RARB: variants seen among roughly 807,000 people sequenced by gnomAD.
RARB encodes the protein HBV-activated protein.
RARB carries 17 observed loss-of-function variants against 51.9 expected under a neutral mutation model. The ratio of observed to expected loss-of-function variants is 0.33; its 90% CI spans 0.22 to 0.49. The LOEUF (loss-of-function observed/expected upper bound fraction) is 0.49. Ranked by LOEUF, RARB falls within the 20% of genes least tolerant of loss-of-function variation. The pLI, the probability that RARB is intolerant of heterozygous loss-of-function variation, is 0.99. For synonymous variants in RARB, 215 were observed against 195.4 expected, an observed-to-expected ratio of 1.10 and a Z score of -0.84; for missense variants, 369 against 550.8, an observed-to-expected ratio of 0.67 and a Z score of 3.30.
intron 2 of RARB, among the ~76,000 whole-genome samples, chr3:24,920,354 G>A (rs1044400130): frequency 8.5e-5 from 13 of 152,052 alleles, no homozygotes; most frequent in Non-Finnish European, 1.6e-4. Context: ...AGCTCAGAAA[G>A]GAAAATCACA....
intron 3 of RARB, among the ~76,000 whole-genome samples, chr3:25,534,258 A>G (rs1699044906): frequency 6.6e-6 from 1 of 152,236 alleles, no homozygotes; most frequent in African/African-American, 2.4e-5. Context: ...AAATGTGAGT[A>G]ATCATAGTAC....
intron 5 of RARB, among the ~76,000 whole-genome samples, chr3:25,185,103 G>T (rs891495148): frequency 6.6e-5 from 10 of 152,046 alleles, no homozygotes; most frequent in African/African-American, 2.4e-4. Flanking sequence ...TTTACATTAG[G>T]CATATGGAAG....
In RARB at chr3:24,863,635, A is replaced by G. The variant is rs374667750; in HGVS notation, c.-380+4883A>G. On this transcript the variant is annotated intron_variant, in intron 2 of 11. Transcript: ENST00000383772. ...TACGCCTGGCCTGTTCATAAATCCA[A>G]TTTAATTAGAGAACACCACTAATTT... Among the ~76,000 whole-genome samples the G allele has an allele frequency of 2.4e-4, 37 of 152,268 alleles. 1 individual carries two copies. The highest frequency in any genetic ancestry group is 8.4e-4 in the African/African-American group (35 of 41,558).
At chr3:24,925,529 C>G (rs1174414188) in intron 2 of RARB, among the ~76,000 whole-genome samples, 2 of 151,618 alleles carry the variant, frequency 1.3e-5, no homozygotes, top group Admixed American at 1.3e-4. Flanking sequence ...GTGGTCTCAG[C>G]CACTCTAGAC....
At chr3:24,956,923 C>T (rs1401300610) in intron 2 of RARB, among the ~76,000 whole-genome samples, 1 of 152,226 alleles carries the variant, frequency 6.6e-6, no homozygotes, top group East Asian at 1.9e-4. Context: ...ACAGTTGCAA[C>T]AGCCAGTACA....
At chr3:25,201,151 T>G (rs1216358588) in intron 5 of RARB, among the ~76,000 whole-genome samples, 5 of 151,388 alleles carry the variant, frequency 3.3e-5, no homozygotes, top group Non-Finnish European at 7.4e-5. Flanking sequence ...TTCACATCCC[T>G]TGTAAGTTGT....
intron 1 of RARB, among the ~76,000 whole-genome samples, chr3:25,432,266 G>C (rs1166771082): frequency 2.0e-5 from 3 of 152,178 alleles, no homozygotes; most frequent in Non-Finnish European, 4.4e-5. Context: ...AAGGGAGTGA[G>C]TATTGATGTG....
chr3:24,971,617 T>TA (rs1696399670), intron 2 of RARB, among the ~76,000 whole-genome samples: 1 of 152,052 alleles, frequency 6.6e-6, no homozygotes, highest in African/African-American at 2.4e-5. Flanking sequence ...GGTAGCCTTC[T>TA]AAAAAATGGC....
intron 2 of RARB, among the ~76,000 whole-genome samples, chr3:25,022,305 C>A (rs1222138087): frequency 6.6e-6 from 1 of 152,140 alleles, no homozygotes; most frequent in Non-Finnish European, 1.5e-5. Flanking sequence ...ATTAGTTTTT[C>A]CATTTGTATA....
At chr3:25,240,581 T>G (rs2125395735) in intron 5 of RARB, among the ~76,000 whole-genome samples, 1 of 152,326 alleles carries the variant, frequency 6.6e-6, no homozygotes, top group African/African-American at 2.4e-5. Context: ...CTGCATTTAT[T>G]GAGTGATCAT....
At chr3:25,543,675 G>C (rs1286769) in intron 3 of RARB, among the ~76,000 whole-genome samples, 2 of 151,944 alleles carry the variant, frequency 1.3e-5, no homozygotes, top group Non-Finnish European at 2.9e-5. Flanking sequence ...GTTCCTTGGA[G>C]TGATAGATTG....
chr3:25,129,013 T>C (rs934739082), intron 3 of RARB, among the ~76,000 whole-genome samples: 1 of 152,122 alleles, frequency 6.6e-6, no homozygotes, highest in Non-Finnish European at 1.5e-5. Context: ...GAAGTTCCAA[T>C]GTAAGTTCTA....
At chr3:25,509,631 C>T (rs13324091) in intron 3 of RARB, among the ~76,000 whole-genome samples, 5,469 of 152,220 alleles carry the variant, frequency 0.036, 332 homozygotes, top group African/African-American at 0.12. Flanking sequence ...CCAGAGATGC[C>T]GAGACATGTG....
At chr3:24,896,324 A>G (rs1442950080) in intron 2 of RARB, among the ~76,000 whole-genome samples, 1 of 152,026 alleles carries the variant, frequency 6.6e-6, no homozygotes, top group Non-Finnish European at 1.5e-5. Context: ...CCGTGGCGTG[A>G]TCTCGGCTCA....
chr3:25,360,134 A>T (rs1284223100), intron 5 of RARB, among the ~76,000 whole-genome samples: 3 of 152,180 alleles, frequency 2.0e-5, no homozygotes, highest in Non-Finnish European at 1.5e-5. Context: ...GTCTCTAAGA[A>T]CTTGTTTTAT....
chr3:24,932,079 G>A (rs1225073903), intron 2 of RARB, among the ~76,000 whole-genome samples: 1 of 152,180 alleles, frequency 6.6e-6, no homozygotes, highest in East Asian at 1.9e-4. Context: ...CCAACTTGGG[G>A]AGCCTGCTTG....
At chr3:25,536,391 AG>A (rs150799271) in intron 3 of RARB, among the ~76,000 whole-genome samples, 13,308 of 152,256 alleles carry the variant, frequency 0.087, 625 homozygotes, top group Admixed American at 0.13. Flanking sequence ...AAGACTTAGC[AG>A]GGTCTGTTCC....
intron 2 of RARB, among the ~76,000 whole-genome samples, chr3:24,901,762 G>A (rs1575062416): frequency 6.6e-6 from 1 of 152,082 alleles, no homozygotes; most frequent in African/African-American, 2.4e-5. Context: ...GCTGACTAGG[G>A]GGATTCCTCT....
At chr3:24,904,817 G>T (rs575446480) in intron 2 of RARB, among the ~76,000 whole-genome samples, 8 of 152,300 alleles carry the variant, frequency 5.3e-5, no homozygotes, top group African/African-American at 1.9e-4. Flanking sequence ...ATACACCATG[G>T]AATACTATGC....
Sources: gnomAD v4.1 joint callset for allele counts (sites outside exome capture counted in the v4.1 genomes callset) on GRCh38, gnomAD v4.1.1 for gene constraint, MANE v1.5 for transcripts, NCBI Gene and HGNC (gene_info 2026-07-23, HGNC 2026-07-21) for gene names.